PLEKHG7: variants seen among roughly 807,000 people sequenced by gnomAD.
The protein encoded by PLEKHG7 is pleckstrin homology domain-containing family G member 7.
Under a neutral mutation model 85.2 loss-of-function variants are expected in PLEKHG7, and 77 were observed. The observed-to-expected ratio is 0.90, with a 90% CI of 0.75 to 1.09. The LOEUF is 1.09. PLEKHG7 is among the 50% of genes least tolerant of loss of function. The pLI is 0.00. For synonymous variants in PLEKHG7, 301 were observed against 302.4 expected, an observed-to-expected ratio of 1.00 and a Z score of 0.05; for missense variants, 777 against 804.3, an observed-to-expected ratio of 0.97 and a Z score of 0.41.
At chr12:92,745,699 G>A in intron 10 of PLEKHG7, 108 bp downstream of exon 10, 1 of 721,980 alleles carries the variant, frequency 1.4e-6, no homozygotes. Context: ...AAAACAAAAT[G>A]ATCAATAATA....
intron 3 of PLEKHG7, among the ~76,000 whole-genome samples, chr12:92,724,350 G>T (rs567389265): frequency 6.6e-6 from 1 of 152,108 alleles, no homozygotes; most frequent in Non-Finnish European, 1.5e-5. Context: ...TTGACATGGA[G>T]TTGGCAAACA....
At position 92,706,635 on chromosome 12, in the gene PLEKHG7, G is replaced by C. The variant is rs374377248; in HGVS notation, c.4G>C (p.Glu2Gln). M[E>Q]KTESFCPEVP... ...AACAGTAGAACCTCTTAGCTTTATG[G>C]AGAAAACAGAGTCATTCTGTCCAGA... is the stretch of plus-strand genomic sequence containing the variant. The change falls in exon 2 of 17, where the codon GAG becomes CAG. Residue 2 changes from glutamate (E) to glutamine (Q), a missense_variant. Coordinates refer to ENST00000344636, the MANE Select transcript of PLEKHG7 (RefSeq NM_001377329.1). 1.9e-6 allele frequency: 3 copies of C among 1,604,608 alleles called. No homozygotes were observed. The African/African-American group carries it at 4.0e-5, about 22-fold the overall frequency.
At chr12:92,747,660 T>C (rs1309239013) in intron 10 of PLEKHG7, among the ~76,000 whole-genome samples, 1 of 152,244 alleles carries the variant, frequency 6.6e-6, no homozygotes, top group Non-Finnish European at 1.5e-5. Context: ...ATCAATCTAG[T>C]GTTCATCAAC....
chr12:92,723,586 A>G (rs1296812938), intron 3 of PLEKHG7, among the ~76,000 whole-genome samples: 2 of 152,212 alleles, frequency 1.3e-5, no homozygotes, highest in South Asian at 4.1e-4. Context: ...CACTGATCTA[A>G]GTGCTTTATA....
At chr12:92,766,309 TAC>T (rs1187979587) in intron 15 of PLEKHG7, among the ~76,000 whole-genome samples, 1 of 152,230 alleles carries the variant, frequency 6.6e-6, no homozygotes, top group Non-Finnish European at 1.5e-5. Flanking sequence ...TAGATTATGA[TAC>T]AGTTATACGC....
At chr12:92,754,327 T>C (rs1872769234) in intron 11 of PLEKHG7, 63 bp downstream of exon 11, 2 of 1,490,644 alleles carry the variant, frequency 1.3e-6, no homozygotes, top group Admixed American at 1.7e-5. Context: ...CTGGAAACCT[T>C]CTGGGCTTCC....
intron 3 of PLEKHG7, among the ~76,000 whole-genome samples, chr12:92,723,524 A>G (rs1871703928): frequency 6.6e-6 from 1 of 152,354 alleles, no homozygotes; most frequent in South Asian, 2.1e-4. Context: ...ATATTATAAT[A>G]TATTCAATAA....
chr12:92,741,601 C>T lies in PLEKHG7; in HGVS notation c.1137+9C>T. On this transcript the variant is annotated intron_variant, in intron 9 of 16. Coordinates refer to ENST00000344636, the MANE Select transcript of PLEKHG7 (RefSeq NM_001377329.1). ...TTTCCGTGCTCACAAAGGTAAACTC[C>T]TTCTGGGAGACCTCAGCTTCATGTA... is the stretch of plus-strand genomic sequence containing the variant. The T allele has an allele frequency of 6.2e-7, 1 of 1,601,738 alleles. No homozygotes were observed. The highest frequency in any genetic ancestry group is 2.2e-5 in the East Asian group (1 of 44,614).
Position 92,757,149 on chromosome 12 carries a change from C to G in PLEKHG7, c.1636+758C>G, listed in dbSNP as rs959443720. Among the ~76,000 whole-genome samples the G allele has an allele frequency of 2.0e-5, 3 of 152,212 alleles. 1 individual carries two copies. Among genetic ancestry groups the G allele is most frequent in the African/African-American group, 7.2e-5 (3 of 41,456 alleles). On this transcript the variant is annotated intron_variant, in intron 13 of 16. Coordinates refer to ENST00000344636, the MANE Select transcript of PLEKHG7 (RefSeq NM_001377329.1). Reference sequence around the variant, plus strand: ...TGGCTCACTCCCTGCTCAGCCTTTTCTGCCTGTACAACCTTGGGCCATTTA... The same window carrying G: ...TGGCTCACTCCCTGCTCAGCCTTTTGTGCCTGTACAACCTTGGGCCATTTA...
At chr12:92,737,735 G>A (rs897474383) in intron 7 of PLEKHG7, among the ~76,000 whole-genome samples, 1 of 145,656 alleles carries the variant, frequency 6.9e-6, no homozygotes, top group African/African-American at 2.7e-5. Flanking sequence ...GAAGGAGGGA[G>A]GAAGGGAGGG....
chr12:92,716,327 A>C (rs1304038441), intron 3 of PLEKHG7, among the ~76,000 whole-genome samples: 3 of 152,096 alleles, frequency 2.0e-5, no homozygotes, highest in African/African-American at 7.2e-5. Flanking sequence ...CAAACTCCTG[A>C]CCTCAAGTCG....
intron 16 of PLEKHG7, among the ~76,000 whole-genome samples, 198 bp from the exon 17 acceptor site, chr12:92,769,882 AGCCCATCT>A (rs1476786703): frequency 1.3e-5 from 2 of 152,226 alleles, no homozygotes; most frequent in Non-Finnish European, 2.9e-5. Context: ...ATACTCATTT[AGCCCATCT>A]GCATTTTCCT....
intron 1 of PLEKHG7, among the ~76,000 whole-genome samples, chr12:92,705,931 A>G (rs760500649): frequency 2.2e-4 from 34 of 152,210 alleles, no homozygotes; most frequent in Non-Finnish European, 4.1e-4. Flanking sequence ...TCAAACCTGC[A>G]AGTCCTTTTT....
At chr12:92,761,950 A>G in intron 14 of PLEKHG7, 119 bp downstream of exon 14, 1 of 1,247,312 alleles carries the variant, frequency 8.0e-7, no homozygotes. Context: ...CTTTTCCTCT[A>G]AAAAATGAAG....
intron 3 of PLEKHG7, among the ~76,000 whole-genome samples, chr12:92,718,931 CTG>C (rs1362131785): frequency 6.6e-6 from 1 of 152,188 alleles, no homozygotes; most frequent in Admixed American, 6.5e-5. Flanking sequence ...AGAGGCATCT[CTG>C]TTCTGTGTTC....
At chr12:92,714,779 T>C (rs1871434391) in intron 3 of PLEKHG7, among the ~76,000 whole-genome samples, 1 of 152,086 alleles carries the variant, frequency 6.6e-6, no homozygotes, top group Non-Finnish European at 1.5e-5. Context: ...GAATCAGGAG[T>C]GTCAAATGCA....
chr12:92,719,818 G>A (rs567609996), intron 3 of PLEKHG7, among the ~76,000 whole-genome samples: 2 of 152,272 alleles, frequency 1.3e-5, no homozygotes, highest in South Asian at 2.1e-4. Flanking sequence ...ATCTTCAAAC[G>A]TTTCTGCCAA....
At chr12:92,751,827 G>A (rs1162036237) in intron 10 of PLEKHG7, among the ~76,000 whole-genome samples, 4 of 151,966 alleles carry the variant, frequency 2.6e-5, no homozygotes, top group African/African-American at 9.7e-5. Context: ...GGCTAGCCTG[G>A]GCAACATAGT....
rs573541811 is a variant in PLEKHG7, at chr12:92,751,511, G to A, written c.1252-2579G>A. On this transcript the variant is annotated intron_variant, in intron 10 of 16. Transcript: ENST00000344636. ...TTCCTGCGTAGCTGGGATTACAGGCGTGCGCCACCATGCCTGGCTAATTTT... is the reference window on the plus strand; with the variant it reads ...TTCCTGCGTAGCTGGGATTACAGGCATGCGCCACCATGCCTGGCTAATTTT... Among the ~76,000 whole-genome samples the A allele has an allele frequency of 2.1e-4, 32 of 151,136 alleles. No homozygotes were observed. In the East Asian group the frequency reaches 2.4e-3, roughly 11 times the overall value.
Sources: gnomAD v4.1 joint callset for allele counts (sites outside exome capture counted in the v4.1 genomes callset) on GRCh38, gnomAD v4.1.1 for gene constraint, MANE v1.5 for transcripts, NCBI Gene and HGNC (gene_info 2026-07-23, HGNC 2026-07-21) for gene names.